Variants in MYO1E observed in about 807,000 individuals in gnomAD.
The protein encoded by MYO1E is unconventional myosin-Ie.
A neutral mutation model predicts 151.1 loss-of-function variants in MYO1E; 68 were observed. The ratio of observed to expected loss-of-function variants is 0.45; its 90% CI spans 0.37 to 0.55. MYO1E has a LOEUF of 0.55. Among genes scored for constraint, MYO1E ranks in the 20% least tolerant of loss-of-function variants. The probability of loss-of-function intolerance (pLI) is 0.00; values close to 1 mark genes in which losing one functional copy is unlikely to be tolerated. For synonymous variants in MYO1E, 601 were observed against 501.7 expected (o/e 1.20, Z -2.64); for missense variants, 1,363 against 1,389.3 (o/e 0.98, Z 0.30).
At chr15:59,232,219 A>G (rs1411767020) in intron 5 of MYO1E, among the ~76,000 whole-genome samples, 1 of 152,230 alleles carries the variant, frequency 6.6e-6, no homozygotes, top group African/African-American at 2.4e-5. Context: ...CTTCACTGCA[A>G]GTTACCTTAA....
chr15:59,325,433 C>T (rs2080657803), intron 1 of MYO1E, among the ~76,000 whole-genome samples: 1 of 152,182 alleles, frequency 6.6e-6, no homozygotes, highest in African/African-American at 2.4e-5. Context: ...TAAATTCGTG[C>T]ACAATGAGTC....
At chr15:59,166,913 C>A (rs1160100521) in intron 22 of MYO1E, among the ~76,000 whole-genome samples, 1 of 152,196 alleles carries the variant, frequency 6.6e-6, no homozygotes, top group Non-Finnish European at 1.5e-5. Flanking sequence ...TAGTAAGGCA[C>A]ATGTTTACTC....
chr15:59,339,536 G>C (rs777342577), intron 1 of MYO1E, among the ~76,000 whole-genome samples: 3 of 152,138 alleles, frequency 2.0e-5, no homozygotes, highest in Non-Finnish European at 2.9e-5. Flanking sequence ...CCCCTCCCAA[G>C]AGACACAAAA....
At chr15:59,250,094 A>G (rs1344154446) in intron 4 of MYO1E, among the ~76,000 whole-genome samples, 2 of 137,216 alleles carry the variant, frequency 1.5e-5, no homozygotes, top group African/African-American at 3.1e-5. Context: ...CTGGTGCAGA[A>G]GAGAATTAAC....
At chr15:59,326,657 C>T (rs546135635) in intron 1 of MYO1E, among the ~76,000 whole-genome samples, 21 of 152,166 alleles carry the variant, frequency 1.4e-4, no homozygotes, top group African/African-American at 4.8e-4. Flanking sequence ...GTCTCCTAAC[C>T]AAGAGATTTA....
chr15:59,226,711 G>A (rs1251444590), intron 7 of MYO1E, among the ~76,000 whole-genome samples: 1 of 152,204 alleles, frequency 6.6e-6, no homozygotes, highest in African/African-American at 2.4e-5. Flanking sequence ...GGAGGGTGAG[G>A]CAGGGGGATC....
intron 4 of MYO1E, among the ~76,000 whole-genome samples, chr15:59,244,074 C>T (rs2080115644): frequency 6.6e-6 from 1 of 152,224 alleles, no homozygotes; most frequent in African/African-American, 2.4e-5. Flanking sequence ...AACAGCCATG[C>T]TGAAACCACT....
intron 1 of MYO1E, among the ~76,000 whole-genome samples, chr15:59,362,401 T>C (rs1242135579): frequency 6.6e-6 from 1 of 152,230 alleles, no homozygotes; most frequent in African/African-American, 2.4e-5. Flanking sequence ...GTTCTCGTGA[T>C]CTGCGGAATG....
rs780590985 is a variant in MYO1E, at chr15:59,223,186, G to A, written c.783C>T (p.Ala261=). The A allele has an allele frequency of 6.2e-7, 1 of 1,614,186 alleles. No individual in the cohort carries two copies. The highest frequency in any genetic ancestry group is 8.5e-7 in the Non-Finnish European group (1 of 1,180,042). The change falls in exon 9 of 28, where the codon GCC becomes GCT. Residue 261 remains alanine (A), a synonymous_variant. Transcript: ENST00000288235. ...DRREFQETLH[A]MNVIGIFAEE... The stretch of plus-strand genomic sequence containing the variant: ...CTGCAAAGATCCCAATCACATTCAT[G>A]GCGTGCTGGAAGAGAAAAGAGAAAC...
At chr15:59,278,283 CT>C (rs2080333412) in intron 1 of MYO1E, among the ~76,000 whole-genome samples, 1 of 152,174 alleles carries the variant, frequency 6.6e-6, no homozygotes, top group Non-Finnish European at 1.5e-5. Context: ...GTAGATCACC[CT>C]GAGAAGCAGA....
chr15:59,175,872 T>G (rs1456828622), intron 19 of MYO1E, among the ~76,000 whole-genome samples: 1 of 151,702 alleles, frequency 6.6e-6, no homozygotes, highest in East Asian at 1.9e-4. Flanking sequence ...GCCCAGGGGG[T>G]TAGAAATTAG....
intron 1 of MYO1E, among the ~76,000 whole-genome samples, chr15:59,315,240 A>T (rs946681747): frequency 6.6e-6 from 1 of 151,928 alleles, no homozygotes; most frequent in Non-Finnish European, 1.5e-5. Flanking sequence ...CTTCCATTAC[A>T]TGTGCCCCCA....
rs1251527214 is a variant in MYO1E, at chr15:59,205,405, G to A, written c.1611C>T (p.Ser537=). Residue 537 remains serine, a synonymous_variant, in exon 15 of 28, where the codon AGC becomes AGT. Transcript: ENST00000288235. ...FMDLIELMQS[S]ELPFIKSLFP... ...CTATGGCAAAACATACTTACAGCTCGCTGCTCTGCATAAGCTCGATGAGAT... is the reference window on the plus strand; with the variant it reads ...CTATGGCAAAACATACTTACAGCTCACTGCTCTGCATAAGCTCGATGAGAT... 5.0e-6 allele frequency: 8 copies of A among 1,613,732 alleles called. No individual in the cohort carries two copies. The highest frequency in any genetic ancestry group is 1.7e-5 in the Admixed American group (1 of 59,994).
chr15:59,144,607 T>A (rs573907292), intron 26 of MYO1E, among the ~76,000 whole-genome samples: 1 of 152,034 alleles, frequency 6.6e-6, no homozygotes, highest in African/African-American at 2.4e-5. Flanking sequence ...AGGTCTTTTT[T>A]CTGATTCTAG....
chr15:59,169,496 C>G (rs1231557178), intron 22 of MYO1E, among the ~76,000 whole-genome samples: 1 of 152,168 alleles, frequency 6.6e-6, no homozygotes, highest in African/African-American at 2.4e-5. Flanking sequence ...CACTATTATT[C>G]ATCTTGGCAA....
intron 4 of MYO1E, among the ~76,000 whole-genome samples, chr15:59,241,868 A>C (rs1450188210): frequency 6.6e-6 from 1 of 151,890 alleles, no homozygotes; most frequent in East Asian, 1.9e-4. Flanking sequence ...GCAGTGAGCT[A>C]TTGTTGAGCT....
At chr15:59,242,018 G>A (rs554304578) in intron 4 of MYO1E, among the ~76,000 whole-genome samples, 1 of 152,286 alleles carries the variant, frequency 6.6e-6, no homozygotes, top group South Asian at 2.1e-4. Flanking sequence ...GGAGCTGGAA[G>A]GCAGTGCAGA....
At chr15:59,218,885 A>G (rs1224948530) in intron 9 of MYO1E, among the ~76,000 whole-genome samples, 1 of 152,154 alleles carries the variant, frequency 6.6e-6, no homozygotes, top group Non-Finnish European at 1.5e-5. Flanking sequence ...TCAAGACGAG[A>G]CGGTCTACAG....
intron 26 of MYO1E, among the ~76,000 whole-genome samples, chr15:59,148,845 A>G (rs1332660479): frequency 6.6e-6 from 1 of 152,166 alleles, no homozygotes; most frequent in Non-Finnish European, 1.5e-5. Context: ...TCTCTGGAGT[A>G]TCTTGAAATT....
Sources: gnomAD v4.1 joint callset for allele counts (sites outside exome capture counted in the v4.1 genomes callset) on GRCh38, gnomAD v4.1.1 for gene constraint, MANE v1.5 for transcripts, NCBI Gene and HGNC (gene_info 2026-07-23, HGNC 2026-07-21) for gene names.